SHISA9: variants seen among roughly 807,000 people sequenced by gnomAD.
The protein encoded by SHISA9 is protein shisa-9.
In SHISA9, 13 loss-of-function variants were observed where a neutral mutation model predicts 38.0. That is an observed-to-expected ratio of 0.34 (90% CI 0.22 to 0.54). The LOEUF is 0.54. Ranked by LOEUF, SHISA9 falls within the 20% of genes least tolerant of loss-of-function variation. The probability of loss-of-function intolerance (pLI) is 0.91; values close to 1 mark genes in which losing one functional copy is unlikely to be tolerated. For missense variants in SHISA9, 538 were observed against 575.8 expected, an observed-to-expected ratio of 0.93 and a Z score of 0.67; for synonymous variants, 275 against 242.0, an observed-to-expected ratio of 1.14 and a Z score of -1.27.
chr16:13,528,410 T>A, the SHISA9 span, among the ~76,000 whole-genome samples: 1 of 145,086 alleles, frequency 6.9e-6, no homozygotes, highest in Non-Finnish European at 1.6e-5. Flanking sequence ...GAACTTGGAG[T>A]TCAAAAAAAA....
the SHISA9 span, among the ~76,000 whole-genome samples, chr16:13,270,106 G>C: frequency 3.9e-5 from 6 of 152,288 alleles, no homozygotes; most frequent in East Asian, 9.6e-4. Context: ...ATGGAGCAAT[G>C]CCCTGCCTTG....
chr16:13,533,732 C>G, the SHISA9 span, among the ~76,000 whole-genome samples: 1 of 151,714 alleles, frequency 6.6e-6, no homozygotes, highest in Non-Finnish European at 1.5e-5. Flanking sequence ...ATTTCCCCCT[C>G]TTTGTGGATT....
intron 2 of SHISA9, among the ~76,000 whole-genome samples, chr16:13,108,130 G>A (rs1302834626): frequency 1.4e-5 from 2 of 138,162 alleles, no homozygotes; most frequent in African/African-American, 5.3e-5. Context: ...GCCCCCCTCC[G>A]GCCCCACCCT....
the SHISA9 span, among the ~76,000 whole-genome samples, chr16:13,260,007 C>CCTTTT: frequency 3.3e-5 from 2 of 60,418 alleles, no homozygotes; most frequent in African/African-American, 1.3e-4. Flanking sequence ...TTCTTTCTTT[C>CCTTTT]TTTTTTTTTT....
At chr16:13,278,032 G>C in the SHISA9 span, among the ~76,000 whole-genome samples, 1 of 151,988 alleles carries the variant, frequency 6.6e-6, no homozygotes, top group Admixed American at 6.6e-5. Context: ...TCCTCATTCA[G>C]TGTTATGTTG....
the SHISA9 span, among the ~76,000 whole-genome samples, chr16:13,352,815 A>T: frequency 0.022 from 3,044 of 141,570 alleles, 67 homozygotes; most frequent in African/African-American, 0.061. Context: ...TCAGTGGGGG[A>T]GCTTTTTGAG....
At chr16:13,441,453 G>T in the SHISA9 span, among the ~76,000 whole-genome samples, 1 of 152,106 alleles carries the variant, frequency 6.6e-6, no homozygotes, top group Admixed American at 6.6e-5. Flanking sequence ...ATCCAAGAGT[G>T]GCCAACCTAG....
At chr16:13,002,739 G>A (rs538894396) in intron 2 of SHISA9, among the ~76,000 whole-genome samples, 4 of 151,980 alleles carry the variant, frequency 2.6e-5, no homozygotes, top group Admixed American at 2.6e-4. Flanking sequence ...CATTACGTTG[G>A]CCAGGCTGGT....
the SHISA9 span, among the ~76,000 whole-genome samples, chr16:13,391,948 G>C: frequency 6.6e-6 from 1 of 152,276 alleles, no homozygotes; most frequent in African/African-American, 2.4e-5. Flanking sequence ...CTCATTCTCA[G>C]ACATTTGGTT....
At chr16:13,281,629 T>A in the SHISA9 span, among the ~76,000 whole-genome samples, 1 of 151,508 alleles carries the variant, frequency 6.6e-6, no homozygotes, top group Non-Finnish European at 1.5e-5. Context: ...TTATATTTTC[T>A]CTTAATTTTT....
At chr16:13,066,293 A>G (rs1199594953) in intron 2 of SHISA9, among the ~76,000 whole-genome samples, 1 of 152,210 alleles carries the variant, frequency 6.6e-6, no homozygotes, top group African/African-American at 2.4e-5. Context: ...CTTAGGGGCT[A>G]TTTGTTACTG....
intron 2 of SHISA9, among the ~76,000 whole-genome samples, chr16:13,040,298 C>T (rs2141887301): frequency 6.6e-6 from 1 of 152,290 alleles, no homozygotes; most frequent in South Asian, 2.1e-4. Flanking sequence ...CATTGGTTGG[C>T]TTTCTATTCC....
chr16:12,970,353 G>GTA (rs1229266909), intron 2 of SHISA9, among the ~76,000 whole-genome samples: 2,066 of 46,694 alleles, frequency 0.044, 62 homozygotes, highest in Middle Eastern at 0.11. Context: ...ACATATATGT[G>GTA]TATATATATA....
intron 2 of SHISA9, among the ~76,000 whole-genome samples, chr16:13,086,370 AAAAAAGAAG>A (rs1236590899): frequency 1.3e-5 from 2 of 149,468 alleles, no homozygotes; most frequent in Admixed American, 7.0e-5. Flanking sequence ...AAAAAAAAAA[AAAAAAGAAG>A]AAGAATATTG....
chr16:13,222,830 GT>G (rs1037326765), intron 4 of SHISA9, among the ~76,000 whole-genome samples: 3 of 151,146 alleles, frequency 2.0e-5, no homozygotes, highest in African/African-American at 7.3e-5. Flanking sequence ...ACACCACAAG[GT>G]GTATATCCAC....
At chr16:12,924,137 A>G (rs2071364963) in intron 2 of SHISA9, among the ~76,000 whole-genome samples, 1 of 152,154 alleles carries the variant, frequency 6.6e-6, no homozygotes, top group African/African-American at 2.4e-5. Flanking sequence ...TGCTTCCATC[A>G]GTTGAGTGGG....
intron 1 of SHISA9, chr16:12,909,878 A>G: frequency 9.8e-6 from 1 of 102,362 alleles, no homozygotes; most frequent in South Asian, 3.7e-4. Flanking sequence ...TTCCTTCGAG[A>G]CACAGTCGTA....
chr16:13,495,155 C>T, the SHISA9 span, among the ~76,000 whole-genome samples: 2 of 152,108 alleles, frequency 1.3e-5, no homozygotes, highest in Non-Finnish European at 2.9e-5. Flanking sequence ...GTCGTGATTC[C>T]ATGAATCTCT....
the SHISA9 span, among the ~76,000 whole-genome samples, chr16:13,512,571 A>G: frequency 2.0e-5 from 3 of 152,236 alleles, no homozygotes; most frequent in Non-Finnish European, 4.4e-5. Flanking sequence ...AGCAAAAAGA[A>G]CGAAGCTGGA....
Sources: allele counts gnomAD v4.1 joint callset (sites outside exome capture counted in the v4.1 genomes callset), GRCh38; gene constraint gnomAD v4.1.1; transcripts MANE v1.5; gene names NCBI Gene and HGNC (gene_info 2026-07-23, HGNC 2026-07-21).